Variants in VTI1B observed in about 807,000 individuals in gnomAD.
VTI1B encodes vesicle transport through interaction with t-SNAREs homolog 1B.
In VTI1B, 18 loss-of-function variants were observed where a neutral mutation model predicts 28.6. The ratio of observed to expected loss-of-function variants is 0.63; its 90% CI spans 0.43 to 0.93. The LOEUF is 0.93. VTI1B is among the 40% of genes least tolerant of loss of function. The pLI is 0.00. For synonymous variants in VTI1B, 100 were observed against 107.9 expected (o/e 0.93, Z 0.46); for missense variants, 283 against 297.0 (o/e 0.95, Z 0.35).
chr14:67,671,343 T>C (rs1186794724), intron 1 of VTI1B, among the ~76,000 whole-genome samples: 1 of 152,054 alleles, frequency 6.6e-6, no homozygotes, highest in East Asian at 1.9e-4. Context: ...CTGGCCAACA[T>C]GGTGAAACCC....
At chr14:67,652,205 C>G (rs1041845830) in intron 5 of VTI1B, 2 of 152,240 alleles carry the variant, frequency 1.3e-5, no homozygotes, top group Non-Finnish European at 2.9e-5. Context: ...GCTGTTAGCA[C>G]TCGAGGATTT....
intron 1 of VTI1B, among the ~76,000 whole-genome samples, chr14:67,673,686 T>C (rs2037497670): frequency 6.6e-6 from 1 of 152,194 alleles, no homozygotes; most frequent in Non-Finnish European, 1.5e-5. Flanking sequence ...ATAAAAGCAA[T>C]AAAACAAAGT....
chr14:67,651,343 C>G lies in VTI1B; in HGVS notation c.*42G>C. 1 of 1,612,332 alleles carries G rather than the reference C, an allele frequency of 6.2e-7. No homozygotes were observed. The highest frequency in any genetic ancestry group is 8.5e-7 in the Non-Finnish European group (1 of 1,178,882). On this transcript the variant is annotated 3_prime_UTR_variant, in exon 6 of 6. Transcript: ENST00000554659. ...CCACATCCCTAACATCATGCATTCA[C>G]AAGGTCAAAGTTCTGGTCCACAAAC...
chr14:67,668,046 T>C (rs1329420066), intron 1 of VTI1B, among the ~76,000 whole-genome samples: 2 of 152,198 alleles, frequency 1.3e-5, no homozygotes, highest in African/African-American at 4.8e-5. Context: ...ATTATAGTAC[T>C]CCATAGTGAC....
At chr14:67,655,563 G>A (rs1311274406) in intron 4 of VTI1B, among the ~76,000 whole-genome samples, 5 of 151,634 alleles carry the variant, frequency 3.3e-5, no homozygotes, top group Non-Finnish European at 7.4e-5. Context: ...TAACAGTAAA[G>A]GGTTATAGTC....
At chr14:67,651,789 T>C (rs2037181785) in intron 5 of VTI1B, 1 of 257,812 alleles carries the variant, frequency 3.9e-6, no homozygotes, top group Admixed American at 5.1e-5. Context: ...CTAGAAAAAG[T>C]AATCAAATAG....
At chr14:67,669,921 A>G (rs2140032279) in intron 1 of VTI1B, among the ~76,000 whole-genome samples, 1 of 152,158 alleles carries the variant, frequency 6.6e-6, no homozygotes, top group Non-Finnish European at 1.5e-5. Flanking sequence ...ATAACATGGG[A>G]GACCCTTACT....
intron 1 of VTI1B, among the ~76,000 whole-genome samples, chr14:67,670,825 C>T (rs1046202880): frequency 1.3e-5 from 2 of 152,162 alleles, no homozygotes; most frequent in African/African-American, 4.8e-5. Flanking sequence ...CGTGCCCGGC[C>T]GTTTGTTTCT....
At chr14:67,653,368 C>T in intron 5 of VTI1B, 69 bp downstream of exon 5, 1 of 1,404,174 alleles carries the variant, frequency 7.1e-7, no homozygotes, top group Admixed American at 1.8e-5. Context: ...CTTTGTAAGT[C>T]ACTATTTTAA....
At chr14:67,655,363 TTATGGA>T (rs1171781579) in intron 4 of VTI1B, among the ~76,000 whole-genome samples, 1 of 152,148 alleles carries the variant, frequency 6.6e-6, no homozygotes, top group Non-Finnish European at 1.5e-5. Flanking sequence ...GTTAACTCAT[TTATGGA>T]AAGGAAAAAA....
chr14:67,667,935 C>T (rs2037421870), intron 1 of VTI1B, among the ~76,000 whole-genome samples: 1 of 152,082 alleles, frequency 6.6e-6, no homozygotes, highest in African/African-American at 2.4e-5. Flanking sequence ...AAGAGCAACA[C>T]TCCATCTCAA....
intron 5 of VTI1B, among the ~76,000 whole-genome samples, chr14:67,652,939 G>A (rs183131427): frequency 3.5e-4 from 53 of 152,162 alleles, no homozygotes; most frequent in African/African-American, 1.3e-3. Flanking sequence ...TACAGTGCCC[G>A]CCACTACGCC....
chr14:67,673,960 G>GAA (rs2037500732), intron 1 of VTI1B, among the ~76,000 whole-genome samples: 1 of 152,092 alleles, frequency 6.6e-6, no homozygotes, highest in African/African-American at 2.4e-5. Context: ...TGACTCCTTT[G>GAA]GGTTTTTAAC....
rs1012215252 is a variant in VTI1B, at chr14:67,651,143, T to C, written c.*242A>G. The stretch of plus-strand genomic sequence containing the variant: ...AGGGTATTAATATGCTACAGTACTA[T>C]GTAAATTTAAAGAAGTCATAAACAG... On this transcript the variant is annotated 3_prime_UTR_variant, in exon 6 of 6. Coordinates refer to ENST00000554659, the MANE Select transcript of VTI1B (RefSeq NM_006370.3). The C allele has an allele frequency of 2.2e-5, 20 of 922,656 alleles. No individual in the cohort carries two copies. The highest frequency in any genetic ancestry group is 1.5e-4 in the African/African-American group (9 of 59,938). The allele number at this position is 922,656 out of a possible 1,614,324, so 57.2% of individuals were successfully genotyped here. A position where few individuals can be genotyped will look rare whatever the true frequency, so the allele number is the denominator to read the frequency against.
chr14:67,659,618 G>A, intron 3 of VTI1B, 113 bp downstream of exon 3: 1 of 1,090,348 alleles, frequency 9.2e-7, no homozygotes, highest in Non-Finnish European at 1.2e-6. Flanking sequence ...TGAAAAAAAT[G>A]AAACAAGAGT....
At chr14:67,652,801 C>CA (rs2037202097) in intron 5 of VTI1B, among the ~76,000 whole-genome samples, 1 of 149,998 alleles carries the variant, frequency 6.7e-6, no homozygotes, top group Non-Finnish European at 1.5e-5. Flanking sequence ...AAATATATTT[C>CA]TTTTTTTTTT....
At position 67,674,546 on chromosome 14, in the gene VTI1B, T is replaced by A; in HGVS notation, c.-57A>T. The A allele has an allele frequency of 6.8e-7, 1 of 1,465,018 alleles. No individual in the cohort carries two copies. The highest frequency in any genetic ancestry group is 1.3e-5 in the South Asian group (1 of 77,364). 90.8% of individuals were successfully genotyped at this position (1,465,018 alleles called of 1,614,324 possible). On this transcript the variant is annotated 5_prime_UTR_variant, in exon 1 of 6. Coordinates refer to ENST00000554659, the MANE Select transcript of VTI1B (RefSeq NM_006370.3). ...AGATTCGGGGCCCTGGGCCCTTTCCTAGCCCGGCGGTCAGCCGCCCAGCCC... is the reference window on the plus strand; with the variant it reads ...AGATTCGGGGCCCTGGGCCCTTTCCAAGCCCGGCGGTCAGCCGCCCAGCCC...
intron 3 of VTI1B, among the ~76,000 whole-genome samples, chr14:67,657,955 G>C (rs912762120): frequency 1.3e-5 from 2 of 151,854 alleles, no homozygotes; most frequent in Non-Finnish European, 2.9e-5. Context: ...CACCATGTTG[G>C]CCAGGCTGGT....
intron 4 of VTI1B, 52 bp downstream of exon 4, chr14:67,656,356 AGGTGCAGT>A (rs1369306177): frequency 1.4e-6 from 2 of 1,449,752 alleles, no homozygotes; most frequent in Non-Finnish European, 1.8e-6. Context: ...TACGGTTTCC[AGGTGCAGT>A]GGCCCCCTAA....
Sources: allele counts gnomAD v4.1 joint callset (sites outside exome capture counted in the v4.1 genomes callset), GRCh38; gene constraint gnomAD v4.1.1; transcripts MANE v1.5; gene names NCBI Gene and HGNC (gene_info 2026-07-23, HGNC 2026-07-21).